The following TCERG1L variants were observed in gnomAD, a reference collection of about 807,000 sequenced individuals.
TCERG1L encodes the protein transcription elongation regulator 1 like.
A neutral mutation model predicts 56.3 loss-of-function variants in TCERG1L; 37 were observed. The observed-to-expected ratio is 0.66, with a 90% CI of 0.51 to 0.87. The LOEUF is 0.87. Among genes scored for constraint, TCERG1L ranks in the 40% least tolerant of loss-of-function variants. The pLI, the probability that TCERG1L is intolerant of heterozygous loss-of-function variation, is 0.00. For synonymous variants in TCERG1L, 324 were observed against 326.3 expected, an observed-to-expected ratio of 0.99 and a Z score of 0.08; for missense variants, 799 against 774.2, an observed-to-expected ratio of 1.03 and a Z score of -0.38.
rs542324888 is a variant in TCERG1L at position 131,229,818 on chromosome 10, A to G, written c.856+30441T>C. Among the ~76,000 whole-genome samples the G allele has an allele frequency of 5.9e-5, 9 of 152,128 alleles. No homozygotes were observed. The East Asian group carries it at 1.7e-3, about 29-fold the overall frequency. ...TAATTGAGAATAAAGGCATAGGGTA[A>G]GTAACCTTAATAAAATTTAAAGAAG... On this transcript the variant is annotated intron_variant, in intron 4 of 11. Coordinates refer to ENST00000368642, the MANE Select transcript of TCERG1L (RefSeq NM_174937.4).
At chr10:131,141,626 C>A (rs1845739821) in intron 7 of TCERG1L, among the ~76,000 whole-genome samples, 1 of 151,966 alleles carries the variant, frequency 6.6e-6, no homozygotes, top group African/African-American at 2.4e-5. Flanking sequence ...CCCTTCTCTC[C>A]TTTCCTTTCC....
intron 1 of TCERG1L, among the ~76,000 whole-genome samples, chr10:131,309,633 G>T (rs1846857453): frequency 6.6e-6 from 1 of 151,892 alleles, no homozygotes; most frequent in African/African-American, 2.4e-5. Flanking sequence ...GAAATGCTGG[G>T]TATTCCTTTT....
chr10:131,300,933 A>G (rs924043193), intron 3 of TCERG1L, among the ~76,000 whole-genome samples: 2 of 152,086 alleles, frequency 1.3e-5, no homozygotes, highest in African/African-American at 2.4e-5. Context: ...TTTTGTTGTC[A>G]TGGTTGCCTT....
intron 6 of TCERG1L, among the ~76,000 whole-genome samples, chr10:131,158,105 CAT>C (rs1342109137): frequency 6.6e-6 from 1 of 152,262 alleles, no homozygotes; most frequent in Non-Finnish European, 1.5e-5. Context: ...GAAATTCCCA[CAT>C]AGTTAAGAAT....
At chr10:131,192,208 G>A (rs1249219552) in intron 4 of TCERG1L, among the ~76,000 whole-genome samples, 1 of 138,700 alleles carries the variant, frequency 7.2e-6, no homozygotes, top group East Asian at 1.9e-4. Context: ...TTAAAAGGTG[G>A]GCAAAAAACA....
chr10:131,237,912 C>T lies in TCERG1L; in HGVS notation c.856+22347G>A, dbSNP rs144916071. ...CTCATTACTTGTGTGCTCCTTGCTT[C>T]GGCGTTTCACTGATTTTTGAGTTGG... On this transcript the variant is annotated intron_variant, in intron 4 of 11. Coordinates refer to ENST00000368642, the MANE Select transcript of TCERG1L (RefSeq NM_174937.4). 2.8e-3 allele frequency among the ~76,000 whole-genome samples: 428 copies of T among 152,312 alleles called. 4 individuals are homozygous for T. The highest frequency in any genetic ancestry group is 9.9e-3 in the African/African-American group (410 of 41,570).
At chr10:131,206,580 C>T (rs528581202) in intron 4 of TCERG1L, among the ~76,000 whole-genome samples, 6 of 152,344 alleles carry the variant, frequency 3.9e-5, no homozygotes, top group South Asian at 4.1e-4. Flanking sequence ...TCAAGGACCC[C>T]GTGGCTGAGC....
intron 4 of TCERG1L, among the ~76,000 whole-genome samples, chr10:131,247,322 C>T (rs1346591893): frequency 6.6e-6 from 1 of 152,186 alleles, no homozygotes; most frequent in African/African-American, 2.4e-5. Context: ...AAGTCTTACA[C>T]ATTCCCCACA....
chr10:131,203,634 T>C (rs1845479440), intron 4 of TCERG1L, among the ~76,000 whole-genome samples: 1 of 152,216 alleles, frequency 6.6e-6, no homozygotes, highest in Non-Finnish European at 1.5e-5. Flanking sequence ...GGGACACATC[T>C]GCTTCTGGTT....
chr10:131,253,503 A>T (rs1282651431), intron 4 of TCERG1L, among the ~76,000 whole-genome samples: 2 of 151,792 alleles, frequency 1.3e-5, no homozygotes, highest in South Asian at 4.2e-4. Context: ...CGATCACCTC[A>T]CTCTCTGCCT....
At chr10:131,264,228 C>T (rs1846263169) in intron 3 of TCERG1L, among the ~76,000 whole-genome samples, 1 of 152,122 alleles carries the variant, frequency 6.6e-6, no homozygotes, top group Non-Finnish European at 1.5e-5. Flanking sequence ...GCTCCTCCTA[C>T]CCAGCAGAGA....
intron 6 of TCERG1L, among the ~76,000 whole-genome samples, chr10:131,155,662 C>T (rs1378135306): frequency 6.6e-6 from 1 of 152,210 alleles, no homozygotes; most frequent in African/African-American, 2.4e-5. Context: ...GATAGAACTG[C>T]CACCGGCCCC....
intron 4 of TCERG1L, among the ~76,000 whole-genome samples, chr10:131,224,168 G>C (rs192316469): frequency 1.6e-3 from 241 of 152,058 alleles, no homozygotes; most frequent in African/African-American, 5.5e-3. Context: ...TCCCAGCTGA[G>C]ACCTGAACTC....
intron 7 of TCERG1L, among the ~76,000 whole-genome samples, chr10:131,141,981 G>A (rs1260215905): frequency 1.3e-5 from 2 of 151,964 alleles, no homozygotes; most frequent in African/African-American, 4.8e-5. Flanking sequence ...CCTCACACTC[G>A]ACTTTCTGCA....
chr10:131,259,824 G>A (rs75907893), intron 4 of TCERG1L, among the ~76,000 whole-genome samples: 6,827 of 152,322 alleles, frequency 0.045, 187 homozygotes, highest in Middle Eastern at 0.071. Flanking sequence ...CATGCCAAGT[G>A]GACTGCCTGG....
At chr10:131,230,566 G>A (rs1845839300) in intron 4 of TCERG1L, among the ~76,000 whole-genome samples, 1 of 152,230 alleles carries the variant, frequency 6.6e-6, no homozygotes, top group African/African-American at 2.4e-5. Flanking sequence ...GGCGGGCCCA[G>A]ATTACAGGAG....
chr10:131,093,899 C>T (rs962395907), intron 11 of TCERG1L, among the ~76,000 whole-genome samples: 22 of 152,266 alleles, frequency 1.4e-4, no homozygotes, highest in African/African-American at 4.6e-4. Context: ...CTCCCACATT[C>T]GAATGAGGGA....
intron 9 of TCERG1L, among the ~76,000 whole-genome samples, chr10:131,112,719 C>T (rs1360969463): frequency 2.1e-5 from 3 of 142,166 alleles, no homozygotes; most frequent in Non-Finnish European, 4.7e-5. Flanking sequence ...GGCAATGGCC[C>T]GGCTGCAGGC....
rs1299784011 is a variant in TCERG1L at position 131,116,921 on chromosome 10, C to A, written c.1273G>T (p.Gly425Trp). ...KTKRNRTEGC[G>W]SPKPEEAKRE... is the part of the protein sequence containing the mutation. ...TTTGCCTCCTCTGGCTTGGGACTCC[C>A]GCAGCCTTCGGTCCTTCAGGAACAC... is the stretch of plus-strand genomic sequence containing the variant. Residue 425 changes from glycine to tryptophan, a missense_variant, in exon 9 of 12, where the codon GGG becomes TGG. Transcript: ENST00000368642. The A allele has an allele frequency of 1.9e-6, 3 of 1,608,072 alleles. No individual in the cohort carries two copies. The highest frequency in any genetic ancestry group is 2.5e-6 in the Non-Finnish European group (3 of 1,177,730).
Sources: gnomAD v4.1 joint callset for allele counts (sites outside exome capture counted in the v4.1 genomes callset) on GRCh38, gnomAD v4.1.1 for gene constraint, MANE v1.5 for transcripts, NCBI Gene and HGNC (gene_info 2026-07-23, HGNC 2026-07-21) for gene names.